The following PHACTR2 variants were observed in gnomAD, a reference collection of about 807,000 sequenced individuals.
The protein encoded by PHACTR2 is phosphatase and actin regulator 2.
A neutral mutation model predicts 76.0 loss-of-function variants in PHACTR2; 30 were observed. That is an observed-to-expected ratio of 0.39 (90% CI 0.30 to 0.54). The LOEUF (loss-of-function observed/expected upper bound fraction) is 0.54, where lower values mean the gene tolerates loss of function less well. Among genes scored for constraint, PHACTR2 ranks in the 20% least tolerant of loss-of-function variants. The pLI, the probability that PHACTR2 is intolerant of heterozygous loss-of-function variation, is 0.61. For missense variants in PHACTR2, 696 were observed against 781.1 expected, an observed-to-expected ratio of 0.89 and a Z score of 1.30; for synonymous variants, 292 against 292.5, an observed-to-expected ratio of 1.00 and a Z score of 0.02.
chr6:143,540,015 C>A (rs111393194), intron 1 of PHACTR2, among the ~76,000 whole-genome samples: 5 of 152,116 alleles, frequency 3.3e-5, no homozygotes, highest in African/African-American at 7.3e-5. Flanking sequence ...TATTATGTCA[C>A]CCTGGCTTGC....
intron 12 of PHACTR2, among the ~76,000 whole-genome samples, chr6:143,814,816 A>G (rs1253158649): frequency 6.6e-6 from 1 of 151,918 alleles, no homozygotes; most frequent in African/African-American, 2.4e-5. Flanking sequence ...GTTAGCCAGG[A>G]TGGTCCCAAT....
In PHACTR2 at chr6:143,754,010, C is replaced by A. The variant is rs978027964; in HGVS notation, c.454+98C>A. 7 of 653,702 alleles carry A rather than the reference C, an allele frequency of 1.1e-5. No individual in the cohort carries two copies. Among genetic ancestry groups the A allele is most frequent in the Non-Finnish European group, 1.7e-5 (7 of 417,786 alleles). The allele number at this position is 653,702 out of a possible 1,614,324, so 40.5% of individuals were successfully genotyped here. A position where few individuals can be genotyped will look rare whatever the true frequency, so the allele number is the denominator to read the frequency against. ...AACTAGTGACTCTAAAACCAGCAGT[C>A]TGCAGAGGAGAGGTTTACAAATAGA... On this transcript the variant is annotated intron_variant, in intron 4 of 12. Coordinates refer to ENST00000440869, the MANE Select transcript of PHACTR2 (RefSeq NM_001100164.2). The surrounding 1 kb of genome is among the most constrained non-coding windows in gnomAD (Gnocchi z 6.2).
In PHACTR2 at chr6:143,597,038, A is replaced by G. The variant is rs745559218; in HGVS notation, c.217+59831A>G. Reference sequence around the variant, plus strand: ...CCTTCCCTCCTGCGTTTCTGCTCCCAGTATGCACATCAAGGTCACATTCTT... The same window carrying G: ...CCTTCCCTCCTGCGTTTCTGCTCCCGGTATGCACATCAAGGTCACATTCTT... On this transcript the variant is annotated intron_variant, in intron 1 of 11. Transcript: ENST00000367584. The surrounding 1 kb of genome is among the most constrained non-coding windows in gnomAD (Gnocchi z 5.7). Among the ~76,000 whole-genome samples the G allele has an allele frequency of 1.6e-4, 24 of 152,084 alleles. No homozygotes were observed. Among genetic ancestry groups the G allele is most frequent in the Non-Finnish European group, 3.1e-4 (21 of 68,026 alleles).
chr6:143,583,407 G>T lies in PHACTR2; in HGVS notation c.217+46200G>T, dbSNP rs1386969731. Among the ~76,000 whole-genome samples, 1 of 152,188 alleles carries T rather than the reference G, an allele frequency of 6.6e-6. No individual in the cohort carries two copies. The highest frequency in any genetic ancestry group is 1.5e-5 in the Non-Finnish European group (1 of 68,020). On this transcript the variant is annotated intron_variant, in intron 1 of 11. Coordinates refer to the PHACTR2 transcript ENST00000367584. This position sits in a 1 kb window ranked among gnomAD's most constrained non-coding sequence, Gnocchi z 4.0. ...TCACTTTTATGATTGGTAAAAAATT[G>T]GTTTATCCTCTCTCAAAGTTTATCC... is the stretch of plus-strand genomic sequence containing the variant.
At chr6:143,771,225 T>C (rs1279983529) in intron 6 of PHACTR2, among the ~76,000 whole-genome samples, 10 of 116,206 alleles carry the variant, frequency 8.6e-5, no homozygotes, top group African/African-American at 1.7e-4. Context: ...TATATATATA[T>C]ATATATATAT....
Position 143,755,841 on chromosome 6 carries a change from C to G in PHACTR2, c.454+1929C>G, listed in dbSNP as rs1779285909. 6.6e-6 allele frequency among the ~76,000 whole-genome samples: 1 copy of G among 152,090 alleles called. No individual in the cohort carries two copies. Among genetic ancestry groups the G allele is most frequent in the African/African-American group, 2.4e-5 (1 of 41,424 alleles). On this transcript the variant is annotated intron_variant, in intron 4 of 12. Transcript: ENST00000440869. This position sits in a 1 kb window ranked among gnomAD's most constrained non-coding sequence, Gnocchi z 5.2. ...AGTGTATTATGTTAATTAGAAAATG[C>G]CTTATGACAAAGGTAACAATTTATT...
In PHACTR2 at chr6:143,619,569, A is replaced by G. The variant is rs1258931233; in HGVS notation, c.13+11247A>G. Among the ~76,000 whole-genome samples, 1 of 152,222 alleles carries G rather than the reference A, an allele frequency of 6.6e-6. No individual in the cohort carries two copies. The highest frequency in any genetic ancestry group is 1.5e-5 in the Non-Finnish European group (1 of 68,044). On this transcript the variant is annotated intron_variant, in intron 1 of 11. Coordinates refer to the PHACTR2 transcript ENST00000305766. This position sits in a 1 kb window ranked among gnomAD's most constrained non-coding sequence, Gnocchi z 4.5. Reference sequence around the variant, plus strand: ...AAGCATCTTTCTTTGAGACTGTTGCATGGGAATGGTGGTACATTCTGTTTT... The same window carrying G: ...AAGCATCTTTCTTTGAGACTGTTGCGTGGGAATGGTGGTACATTCTGTTTT...
intron 1 of PHACTR2, among the ~76,000 whole-genome samples, chr6:143,702,971 C>T (rs188258124): frequency 6.6e-6 from 1 of 151,116 alleles, no homozygotes; most frequent in African/African-American, 2.4e-5. Context: ...GAAAGAAATA[C>T]AAAAGATTAT....
chr6:143,800,957 C>T lies in PHACTR2; in HGVS notation c.1846-6100C>T, dbSNP rs9390139. On this transcript the variant is annotated intron_variant, in intron 11 of 12. Coordinates refer to ENST00000440869, the MANE Select transcript of PHACTR2 (RefSeq NM_001100164.2). This position sits in a 1 kb window ranked among gnomAD's most constrained non-coding sequence, Gnocchi z 4.8. ...TTTTATTTCTCCTTCACTTATGAAG[C>T]TTAGTTCAGCTGGATATGAAATTTT... Among the ~76,000 whole-genome samples the T allele has an allele frequency of 0.29, 44,809 of 151,980 alleles. 6,910 individuals carry two copies. Among genetic ancestry groups the T allele is most frequent in the South Asian group, 0.39 (1,862 of 4,806 alleles).
intron 1 of PHACTR2, among the ~76,000 whole-genome samples, chr6:143,704,383 T>C (rs1333816717): frequency 6.6e-6 from 1 of 152,118 alleles, no homozygotes; most frequent in Admixed American, 6.5e-5. Context: ...GTCTGAAGTA[T>C]ATTACTTTCC....
intron 1 of PHACTR2, among the ~76,000 whole-genome samples, chr6:143,706,135 A>T (rs1778047993): frequency 6.6e-6 from 1 of 152,104 alleles, no homozygotes; most frequent in Non-Finnish European, 1.5e-5. Context: ...CTGTCCCTTT[A>T]ACCTACCTCC....
In PHACTR2 at chr6:143,765,287, A is replaced by G; in HGVS notation, c.721A>G (p.Thr241Ala). The G allele has an allele frequency of 6.2e-7, 1 of 1,613,250 alleles. No individual in the cohort carries two copies. Among genetic ancestry groups the G allele is most frequent in the Non-Finnish European group, 8.5e-7 (1 of 1,179,730 alleles). ...AAGSSHSKKT[T>A]GSKASASPST... ...TGGCTCCTCTCATTCAAAAAAAACA[A>G]CTGGCTCTAAAGCATCAGCTTCGCC... The change falls in exon 6 of 13, where the codon ACT becomes GCT. Residue 241 changes from threonine to alanine, a missense_variant. Physicochemically the swap from Thr to Ala is moderately conservative, Grantham distance 58 (BLOSUM62 0). Around this residue, in one of 2 missense-constraint regions of PHACTR2, gnomAD observed 460 missense variants for 450.9 expected, o/e 1.02. Coordinates refer to ENST00000440869, the MANE Select transcript of PHACTR2 (RefSeq NM_001100164.2). The surrounding 1 kb of genome is among the most constrained non-coding windows in gnomAD (Gnocchi z 4.1).
intron 1 of PHACTR2, among the ~76,000 whole-genome samples, chr6:143,686,224 A>C (rs1777517345): frequency 6.6e-6 from 1 of 152,102 alleles, no homozygotes; most frequent in African/African-American, 2.4e-5. Context: ...AATTGCTCAT[A>C]AAAACAATTT....
Position 143,811,649 on chromosome 6 carries a change from C to A in PHACTR2, c.1922+4516C>A, listed in dbSNP as rs572139598. 6.6e-6 allele frequency among the ~76,000 whole-genome samples: 1 copy of A among 152,002 alleles called. No individual in the cohort carries two copies. Among genetic ancestry groups the A allele is most frequent in the Admixed American group, 6.6e-5 (1 of 15,256 alleles). On this transcript the variant is annotated intron_variant, in intron 12 of 12. Transcript: ENST00000440869. The surrounding 1 kb of genome is among the most constrained non-coding windows in gnomAD (Gnocchi z 4.1). ...TATGCCTTGCTTAAGTATTCTTAAACCTTGGCAGTAAAGCAAATGTTACTG... is the reference window on the plus strand; with the variant it reads ...TATGCCTTGCTTAAGTATTCTTAAAACTTGGCAGTAAAGCAAATGTTACTG...
intron 1 of PHACTR2, among the ~76,000 whole-genome samples, chr6:143,567,658 C>T (rs1383261475): frequency 6.6e-6 from 1 of 152,256 alleles, no homozygotes; most frequent in African/African-American, 2.4e-5. Context: ...CTCTGCCTCT[C>T]AAAGTGCTGG....
In PHACTR2 at chr6:143,755,269, G is replaced by GT. The variant is rs1416784782; in HGVS notation, c.454+1363dup. The GT allele has an allele frequency of 8.8e-6, 4 of 455,898 alleles. No homozygotes were observed. Among genetic ancestry groups the GT allele is most frequent in the African/African-American group, 2.0e-5 (1 of 50,066 alleles). 28.2% of individuals were successfully genotyped at this position (455,898 alleles called of 1,614,324 possible). ...TGAAAGTATTAACGCAAGTAGTGATGTTTTTTGTTTAAGTCTTTCTGTCCT... is the reference window on the plus strand; with the variant it reads ...TGAAAGTATTAACGCAAGTAGTGATGTTTTTTTGTTTAAGTCTTTCTGTCCT... On this transcript the variant is annotated intron_variant, in intron 4 of 12. Transcript: ENST00000440869. The surrounding 1 kb of genome is among the most constrained non-coding windows in gnomAD (Gnocchi z 5.2).
Position 143,578,012 on chromosome 6 carries a change from C to G in PHACTR2, c.217+40805C>G, listed in dbSNP as rs139976100. ...TTGTCTAAATCTGGTCCAAGACACT[C>G]TATCCCCCGTTCGTTTGCCAACACC... On this transcript the variant is annotated intron_variant, in intron 1 of 11. Transcript: ENST00000367584. The surrounding 1 kb of genome is among the most constrained non-coding windows in gnomAD (Gnocchi z 4.5). Among the ~76,000 whole-genome samples the G allele has an allele frequency of 9.3e-4, 142 of 152,320 alleles. No individual in the cohort carries two copies. Among genetic ancestry groups the G allele is most frequent in the African/African-American group, 3.2e-3 (133 of 41,576 alleles).
At chr6:143,576,307 G>A (rs76482972) in intron 1 of PHACTR2, among the ~76,000 whole-genome samples, 21 of 152,230 alleles carry the variant, frequency 1.4e-4, no homozygotes, top group African/African-American at 4.1e-4. Context: ...CTCTTCTCAC[G>A]CATTTTCTAG....
chr6:143,541,356 C>T lies in PHACTR2; in HGVS notation c.217+4149C>T, dbSNP rs923235534. On this transcript the variant is annotated intron_variant, in intron 1 of 11. Transcript: ENST00000367584. The surrounding 1 kb of genome is among the most constrained non-coding windows in gnomAD (Gnocchi z 5.3). Reference sequence around the variant, plus strand: ...CATGTAAAGATTCAGCAAGTACCGACTGTTGGCCTACTGGGTGCCAGGTGC... The same window carrying T: ...CATGTAAAGATTCAGCAAGTACCGATTGTTGGCCTACTGGGTGCCAGGTGC... Among the ~76,000 whole-genome samples the T allele has an allele frequency of 3.3e-5, 5 of 152,220 alleles. No individual in the cohort carries two copies. Among genetic ancestry groups the T allele is most frequent in the Non-Finnish European group, 7.3e-5 (5 of 68,042 alleles).
Sources: gnomAD v4.1 joint callset for allele counts (sites outside exome capture counted in the v4.1 genomes callset) on GRCh38, gnomAD v4.1.1 for gene constraint, gnomAD v4.1.1 regional missense constraint, Gnocchi (gnomAD v3.1) non-coding constraint, MANE v1.5 for transcripts, NCBI Gene and HGNC (gene_info 2026-07-23, HGNC 2026-07-21) for gene names.